The following PHLPP2 variants were observed in gnomAD, a reference collection of about 807,000 sequenced individuals.
The protein encoded by PHLPP2 is PH domain leucine-rich repeat-containing protein phosphatase 2.
In PHLPP2, 66 loss-of-function variants were observed where a neutral mutation model predicts 124.9. The ratio of observed to expected loss-of-function variants is 0.53; its 90% CI spans 0.43 to 0.65. The LOEUF (loss-of-function observed/expected upper bound fraction) is 0.65. PHLPP2 is among the 30% of genes least tolerant of loss of function. The pLI, the probability that PHLPP2 is intolerant of heterozygous loss-of-function variation, is 0.00. For missense variants in PHLPP2, 1,685 were observed against 1,600.4 expected (o/e 1.05, Z -0.90); for synonymous variants, 681 against 624.7 (o/e 1.09, Z -1.34).
At chr16:71,664,175 C>T in intron 12 of PHLPP2, 76 bp from the exon 13 acceptor site, 1 of 985,586 alleles carries the variant, frequency 1.0e-6, no homozygotes, top group Admixed American at 1.7e-5. Flanking sequence ...ATCATGTCAC[C>T]TCAGTATGGA....
chr16:71,672,584 C>G (rs771980668), intron 9 of PHLPP2, among the ~76,000 whole-genome samples: 11 of 152,216 alleles, frequency 7.2e-5, no homozygotes, highest in African/African-American at 1.4e-4. Flanking sequence ...TAAATGTTAA[C>G]AGTAACTACT....
chr16:71,682,959 T>A (rs544460122), intron 5 of PHLPP2, among the ~76,000 whole-genome samples: 1 of 152,074 alleles, frequency 6.6e-6, no homozygotes, highest in Non-Finnish European at 1.5e-5. Flanking sequence ...TCACCTGAGG[T>A]CAGGAGTTCG....
At chr16:71,674,719 G>A (rs13338265) in intron 9 of PHLPP2, among the ~76,000 whole-genome samples, 5,733 of 152,112 alleles carry the variant, frequency 0.038, 364 homozygotes, top group African/African-American at 0.13. Context: ...CTTTTAGGCC[G>A]GGTGTAATGG....
Position 71,676,630 on chromosome 16 carries a change from T to A in PHLPP2, c.1288A>T (p.Met430Leu), listed in dbSNP as rs1330283246. The A allele has an allele frequency of 6.2e-7, 1 of 1,613,086 alleles. No individual in the cohort carries two copies. The highest frequency in any genetic ancestry group is 8.5e-7 in the Non-Finnish European group (1 of 1,179,110). The change falls in exon 9 of 19, where the codon ATG becomes TTG. Residue 430 changes from methionine to leucine, a missense_variant. Physicochemically the swap from Met to Leu is conservative, Grantham distance 15. Transcript: ENST00000568954. Reference protein sequence around the residue: ...VDLRMNHLKTMVIENLEGNKH... With the variant: ...VDLRMNHLKTLVIENLEGNKH... ...TTTCCCTCCAGATTTTCAATAACCATGGTTTTCAAATGGTTCATCCTTAAT... is the reference window on the plus strand; with the variant it reads ...TTTCCCTCCAGATTTTCAATAACCAAGGTTTTCAAATGGTTCATCCTTAAT...
intron 2 of PHLPP2, among the ~76,000 whole-genome samples, chr16:71,709,811 T>C (rs902536728): frequency 3.3e-5 from 5 of 152,162 alleles, no homozygotes; most frequent in Non-Finnish European, 7.3e-5. Context: ...TCCTTGGCTG[T>C]ACAAGGTTGT....
intron 11 of PHLPP2, among the ~76,000 whole-genome samples, chr16:71,668,468 G>A (rs886592523): frequency 1.5e-5 from 2 of 130,010 alleles, no homozygotes; most frequent in African/African-American, 5.7e-5. Context: ...GAGTAAAAAC[G>A]ACTACATCCA....
chr16:71,672,290 T>G lies in PHLPP2; in HGVS notation c.1504A>C (p.Ser502Arg). ...GAGAGATCCAAGAAAGTGAGCAGGC[T>G]GGGTACTGGATAGACGTTCACTGCT... ...LTAVNVYPVPSLLTFLDLSRN... is the reference protein window; with the variant it reads ...LTAVNVYPVPRLLTFLDLSRN... Residue 502 changes from serine to arginine, a missense_variant, in exon 10 of 19, where the codon AGC (serine) becomes CGC (arginine). Transcript: ENST00000568954. The G allele has an allele frequency of 6.2e-7, 1 of 1,613,840 alleles. No individual in the cohort carries two copies. Among genetic ancestry groups the G allele is most frequent in the Non-Finnish European group, 8.5e-7 (1 of 1,179,730 alleles).
chr16:71,696,487 ACT>A (rs1184629697), intron 3 of PHLPP2, among the ~76,000 whole-genome samples: 1 of 151,906 alleles, frequency 6.6e-6, no homozygotes, highest in Non-Finnish European at 1.5e-5. Flanking sequence ...AAATACAAAA[ACT>A]AGCCAGGCAT....
chr16:71,689,534 A>G (rs919064952), intron 4 of PHLPP2, among the ~76,000 whole-genome samples: 5 of 151,944 alleles, frequency 3.3e-5, no homozygotes, highest in Admixed American at 3.3e-4. Context: ...CTGGGATTAC[A>G]GGCACCCACC....
At chr16:71,683,655 G>A (rs1422277134) in intron 5 of PHLPP2, among the ~76,000 whole-genome samples, 3 of 152,166 alleles carry the variant, frequency 2.0e-5, no homozygotes, top group Non-Finnish European at 4.4e-5. Flanking sequence ...ACAGCATTTT[G>A]TACTATGCAC....
At chr16:71,693,778 A>G (rs746153134) in intron 3 of PHLPP2, among the ~76,000 whole-genome samples, 33 of 152,210 alleles carry the variant, frequency 2.2e-4, no homozygotes, top group Admixed American at 8.5e-4. Flanking sequence ...TTTTTAAAGA[A>G]CCAACTCAAA....
intron 8 of PHLPP2, 176 bp from the exon 9 acceptor site, chr16:71,676,825 T>G (rs1160057484): frequency 2.6e-5 from 15 of 575,040 alleles, no homozygotes; most frequent in Non-Finnish European, 4.0e-5. Context: ...CTCGGTTCAC[T>G]GCAACCTCTG....
intron 6 of PHLPP2, among the ~76,000 whole-genome samples, chr16:71,681,197 G>T (rs112210320): frequency 1.2e-3 from 180 of 152,224 alleles, no homozygotes; most frequent in African/African-American, 4.1e-3. Flanking sequence ...TTAAGTGGAG[G>T]AATGAGGTGG....
chr16:71,652,892 C>G lies in PHLPP2; in HGVS notation c.2715G>C (p.Leu905=), dbSNP rs759522302. 3.7e-6 allele frequency: 6 copies of G among 1,614,026 alleles called. No homozygotes were observed. In the East Asian group the frequency reaches 1.3e-4, roughly 36 times the overall value. ...GGGGCACTGGCTTCCCACCTCGGCA[C>G]AGGACTGCTTGGCACGTGCCAACAT... ...VANVGTCQAV[L]CRGGKPVPLS... The change falls in exon 18 of 19, where the codon CTG becomes CTC. Residue 905 remains leucine, a synonymous_variant. Coordinates refer to ENST00000568954, the MANE Select transcript of PHLPP2 (RefSeq NM_015020.3).
chr16:71,724,463 T>C lies in PHLPP2; in HGVS notation c.-141A>G, dbSNP rs943920767. On this transcript the variant is annotated 5_prime_UTR_variant, in exon 1 of 19. The change creates a new upstream start codon in the 5' untranslated region. Coordinates refer to ENST00000568954, the MANE Select transcript of PHLPP2 (RefSeq NM_015020.3). Reference sequence around the variant, plus strand: ...CCCTTGCCTCCTCCTGGAGCAAAATTATCAGAATTCGGTGCTCTGCTTCAA... The same window carrying C: ...CCCTTGCCTCCTCCTGGAGCAAAATCATCAGAATTCGGTGCTCTGCTTCAA... 1.3e-5 allele frequency: 2 copies of C among 152,252 alleles called. No homozygotes were observed. The highest frequency in any genetic ancestry group is 2.9e-5 in the Non-Finnish European group (2 of 68,050). The allele number at this position is 152,252 out of a possible 1,614,324, so 9.4% of individuals were successfully genotyped here.
intron 18 of PHLPP2, among the ~76,000 whole-genome samples, chr16:71,651,200 T>C (rs2044693404): frequency 6.6e-6 from 1 of 152,054 alleles, no homozygotes; most frequent in South Asian, 2.1e-4. Flanking sequence ...TAGCCAGGTA[T>C]AGTGGCGCAT....
At chr16:71,699,292 C>G (rs925899134) in intron 3 of PHLPP2, among the ~76,000 whole-genome samples, 1 of 152,070 alleles carries the variant, frequency 6.6e-6, no homozygotes, top group Non-Finnish European at 1.5e-5. Flanking sequence ...TCTGCTCTCT[C>G]CTGAATGGTT....
intron 3 of PHLPP2, among the ~76,000 whole-genome samples, chr16:71,691,610 T>C (rs76520479): frequency 6.6e-6 from 1 of 151,972 alleles, no homozygotes; most frequent in Non-Finnish European, 1.5e-5. Context: ...AGGAAGAAAT[T>C]AGTAACTACA....
chr16:71,685,510 G>A (rs2045047175), intron 4 of PHLPP2, among the ~76,000 whole-genome samples: 1 of 152,124 alleles, frequency 6.6e-6, no homozygotes, highest in Non-Finnish European at 1.5e-5. Flanking sequence ...ACTGAAGATT[G>A]AACCAAGCGG....
Sources: gnomAD v4.1 joint callset for allele counts (sites outside exome capture counted in the v4.1 genomes callset) on GRCh38, gnomAD v4.1.1 for gene constraint, MANE v1.5 for transcripts, NCBI Gene and HGNC (gene_info 2026-07-23, HGNC 2026-07-21) for gene names.